The following GALNTL6 variants were observed in gnomAD, a reference collection of about 807,000 sequenced individuals.
GALNTL6 encodes the protein polypeptide N-acetylgalactosaminyltransferase-like 6.
Under a neutral mutation model 73.7 loss-of-function variants are expected in GALNTL6, and 46 were observed. That is an observed-to-expected ratio of 0.62 (90% CI 0.49 to 0.80). The LOEUF is 0.80. Among genes scored for constraint, GALNTL6 ranks in the 30% least tolerant of loss-of-function variants. GALNTL6 has a pLI of 0.00. For missense variants in GALNTL6, 604 were observed against 755.0 expected (o/e 0.80, Z 2.34); for synonymous variants, 259 against 263.7 (o/e 0.98, Z 0.17).
chr4:172,016,782 T>A (rs1741210680), intron 2 of GALNTL6, among the ~76,000 whole-genome samples: 1 of 152,050 alleles, frequency 6.6e-6, no homozygotes, highest in Non-Finnish European at 1.5e-5. Context: ...CTCTTAAGGA[T>A]CAGACTTTGA....
At chr4:171,970,889 C>T (rs1196422478) in intron 2 of GALNTL6, among the ~76,000 whole-genome samples, 2 of 152,160 alleles carry the variant, frequency 1.3e-5, no homozygotes, top group African/African-American at 4.8e-5. Flanking sequence ...TAAATCACTA[C>T]TGAAGTCAAT....
At chr4:172,733,713 C>T (rs781449035) in intron 5 of GALNTL6, among the ~76,000 whole-genome samples, 6 of 152,286 alleles carry the variant, frequency 3.9e-5, no homozygotes, top group East Asian at 3.9e-4. Flanking sequence ...GCTCCTCCTT[C>T]GCCTTCCGCC....
intron 2 of GALNTL6, among the ~76,000 whole-genome samples, chr4:171,982,459 G>A (rs773298611): frequency 6.6e-6 from 1 of 151,914 alleles, no homozygotes; most frequent in Non-Finnish European, 1.5e-5. Flanking sequence ...CACCACGCCC[G>A]GCTGATTTTT....
At chr4:172,403,256 T>C (rs1744103015) in intron 5 of GALNTL6, among the ~76,000 whole-genome samples, 3 of 152,152 alleles carry the variant, frequency 2.0e-5, no homozygotes, top group Middle Eastern at 3.4e-3. Flanking sequence ...GGGATCTTTT[T>C]GTCCCAGCTC....
In GALNTL6 at chr4:172,164,036, G is replaced by A. The variant is rs146789816; in HGVS notation, c.139-65620G>A. Reference sequence around the variant, plus strand: ...TGCAGCATAAGGAACTTCAGGGAATGGAAGTTTACGAGAGGATCTAGTGAT... The same window carrying A: ...TGCAGCATAAGGAACTTCAGGGAATAGAAGTTTACGAGAGGATCTAGTGAT... On this transcript the variant is annotated intron_variant, in intron 2 of 12. Coordinates refer to ENST00000506823, the MANE Select transcript of GALNTL6 (RefSeq NM_001034845.3). Among the ~76,000 whole-genome samples the A allele has an allele frequency of 8.1e-3, 1,233 of 152,074 alleles. 20 individuals carry two copies. The highest frequency in any genetic ancestry group is 0.028 in the African/African-American group (1,163 of 41,542).
rs138403537 is a variant in GALNTL6 at position 172,769,676 on chromosome 4, T to C, written c.554-39685T>C. Among the ~76,000 whole-genome samples, 647 of 152,344 alleles carry C rather than the reference T, an allele frequency of 4.2e-3. 4 individuals are homozygous for C. The highest frequency in any genetic ancestry group is 0.015 in the African/African-American group (622 of 41,578). ...AAACTAAATCTCCATTTGCTTTCTG[T>C]CTTTACATTATATTTATCTTATCCT... On this transcript the variant is annotated intron_variant, in intron 5 of 12. Coordinates refer to ENST00000506823, the MANE Select transcript of GALNTL6 (RefSeq NM_001034845.3).
chr4:172,238,140 C>T (rs1001909612), intron 3 of GALNTL6, among the ~76,000 whole-genome samples: 3 of 151,862 alleles, frequency 2.0e-5, no homozygotes, highest in Non-Finnish European at 4.4e-5. Context: ...TAGTGAAGAA[C>T]GTCATTGGTA....
intron 2 of GALNTL6, among the ~76,000 whole-genome samples, chr4:172,113,790 AAGTGTTCC>A (rs1212198966): frequency 2.6e-5 from 4 of 152,206 alleles, no homozygotes; most frequent in African/African-American, 9.6e-5. Flanking sequence ...CTATTTTCTG[AAGTGTTCC>A]AGCACGATGC....
At chr4:171,840,100 C>T (rs1579500081) in intron 2 of GALNTL6, among the ~76,000 whole-genome samples, 2 of 152,156 alleles carry the variant, frequency 1.3e-5, no homozygotes, top group Non-Finnish European at 2.9e-5. Flanking sequence ...TAAGCTTTTA[C>T]TCTCTTGTTT....
chr4:172,419,504 G>A (rs1730974998), intron 5 of GALNTL6, among the ~76,000 whole-genome samples: 2 of 152,064 alleles, frequency 1.3e-5, no homozygotes, highest in Non-Finnish European at 2.9e-5. Context: ...AATATATTTA[G>A]CATAGTGTGA....
intron 2 of GALNTL6, among the ~76,000 whole-genome samples, chr4:172,003,792 C>A (rs766968282): frequency 7.2e-5 from 11 of 151,990 alleles, no homozygotes; most frequent in Non-Finnish European, 1.3e-4. Context: ...TATTCAATTT[C>A]CATTATATTG....
At chr4:172,681,813 A>G (rs1368420325) in intron 5 of GALNTL6, among the ~76,000 whole-genome samples, 1 of 152,188 alleles carries the variant, frequency 6.6e-6, no homozygotes, top group Non-Finnish European at 1.5e-5. Context: ...CCTCAGAGGA[A>G]GAATAACTCC....
At chr4:172,525,943 T>G (rs1260019091) in intron 5 of GALNTL6, among the ~76,000 whole-genome samples, 1 of 152,174 alleles carries the variant, frequency 6.6e-6, no homozygotes, top group Non-Finnish European at 1.5e-5. Flanking sequence ...ATAATGAAAA[T>G]ATATTTTATT....
intron 2 of GALNTL6, among the ~76,000 whole-genome samples, chr4:172,156,544 T>TATATATATATATATA (rs1214634513): frequency 1.0e-4 from 7 of 67,926 alleles, no homozygotes; most frequent in African/African-American, 4.7e-4. Flanking sequence ...ATATATAATA[T>TATATATATATATATA]ATATATATAT....
chr4:172,893,224 G>A (rs1044744830), intron 8 of GALNTL6, among the ~76,000 whole-genome samples: 1 of 152,150 alleles, frequency 6.6e-6, no homozygotes, highest in Non-Finnish European at 1.5e-5. Context: ...CCCTGAGGAA[G>A]AAGGTGCTAC....
chr4:171,946,850 ACTC>A (rs1738716421), intron 2 of GALNTL6, among the ~76,000 whole-genome samples: 1 of 151,350 alleles, frequency 6.6e-6, no homozygotes, highest in Admixed American at 6.7e-5. Context: ...GTCTAGAACA[ACTC>A]CAGAGTGTAG....
At chr4:172,073,185 A>T (rs897785635) in intron 2 of GALNTL6, among the ~76,000 whole-genome samples, 1 of 152,126 alleles carries the variant, frequency 6.6e-6, no homozygotes, top group Non-Finnish European at 1.5e-5. Flanking sequence ...TTCATAGAGA[A>T]CTTTCCCAGC....
chr4:172,576,419 C>T (rs955165386), intron 5 of GALNTL6, among the ~76,000 whole-genome samples: 1 of 152,128 alleles, frequency 6.6e-6, no homozygotes, highest in Non-Finnish European at 1.5e-5. Context: ...TGTACCCAGC[C>T]ATACATTTCA....
rs917374967 is a variant in GALNTL6 at position 172,389,645 on chromosome 4, A to G, written c.553+40956A>G. Among the ~76,000 whole-genome samples the G allele has an allele frequency of 5.3e-5, 8 of 152,256 alleles. No individual in the cohort carries two copies. In the South Asian group the frequency reaches 1.4e-3, roughly 28 times the overall value. ...AAGAAGGTAGGAGGTAAATAAAATC[A>G]TAGAGAACTACATGGCTTCAGTCTT... On this transcript the variant is annotated intron_variant, in intron 5 of 12. Coordinates refer to ENST00000506823, the MANE Select transcript of GALNTL6 (RefSeq NM_001034845.3).
Sources: gnomAD v4.1 joint callset for allele counts (sites outside exome capture counted in the v4.1 genomes callset) on GRCh38, gnomAD v4.1.1 for gene constraint, MANE v1.5 for transcripts, NCBI Gene and HGNC (gene_info 2026-07-23, HGNC 2026-07-21) for gene names.